Variants in FRMPD4 observed in about 807,000 individuals in gnomAD.
The protein encoded by FRMPD4 is FERM and PDZ domain containing 4, also known as FERM and PDZ domain-containing protein 4.
FRMPD4 carries 22 observed loss-of-function variants against 94.1 expected under a neutral mutation model. The observed-to-expected ratio is 0.23, with a 90% CI of 0.17 to 0.33. FRMPD4 has a LOEUF of 0.33. Ranked by LOEUF, FRMPD4 falls within the 10% of genes least tolerant of loss-of-function variation. The pLI is 1.00. For synonymous variants in FRMPD4, 631 were observed against 548.6 expected, an observed-to-expected ratio of 1.15 and a Z score of -2.10; for missense variants, 1,111 against 1,339.9, an observed-to-expected ratio of 0.83 and a Z score of 2.67.
intron 1 of FRMPD4, among the ~76,000 whole-genome samples, chrX:12,453,144 G>GTGT (rs978773656): frequency 1.2e-4 from 13 of 112,149 alleles, no homozygotes; most frequent in Non-Finnish European, 3.8e-5. Flanking sequence ...CCATTTTAAG[G>GTGT]TGTTGTGTTT....
At chrX:12,598,180 T>C (rs1240907802) in intron 2 of FRMPD4, among the ~76,000 whole-genome samples, 1 of 111,293 alleles carries the variant, frequency 9.0e-6, no homozygotes, top group Non-Finnish European at 1.9e-5. Flanking sequence ...GATTTTTCAC[T>C]GGAAGCCAGG....
At position 12,718,648 on chromosome X, in the gene FRMPD4, C is replaced by G. The variant is rs140304936; in HGVS notation, c.3822C>G (p.Thr1274=). The G allele has an allele frequency of 2.2e-4, 261 of 1,207,307 alleles. 1 individual carries two copies. The African/African-American group carries it at 4.0e-3, about 18-fold the overall frequency. The change falls in exon 16 of 17, where the codon ACC becomes ACG. Residue 1274 remains threonine, a synonymous_variant. Transcript: ENST00000675598. ...CTGGGCTTCCCAACCACGGAGCCAC[C>G]TTTAAGGAACTGCACCCACAGACAG... ...RAPGLPNHGA[T]FKELHPQTEG...
At chrX:12,414,152 A>G (rs1024668372) in intron 1 of FRMPD4, among the ~76,000 whole-genome samples, 2 of 112,587 alleles carry the variant, frequency 1.8e-5, no homozygotes, top group Admixed American at 1.9e-4. Context: ...TTTAATATGC[A>G]TTGCTTCTAC....
chrX:12,020,928 C>A (rs1339520609), intron 3 of FRMPD4, among the ~76,000 whole-genome samples: 1 of 111,589 alleles, frequency 9.0e-6, no homozygotes, highest in African/African-American at 3.3e-5. Flanking sequence ...TTATTTCCCC[C>A]ACAAACATGT....
intron 1 of FRMPD4, among the ~76,000 whole-genome samples, chrX:12,484,901 G>A: frequency 8.9e-6 from 1 of 112,259 alleles, no homozygotes; most frequent in Non-Finnish European, 1.9e-5. Context: ...AATATAAGAT[G>A]CAATTGAAGT....
intron 3 of FRMPD4, among the ~76,000 whole-genome samples, chrX:12,086,951 T>G (rs763258234): frequency 8.1e-5 from 9 of 111,417 alleles, no homozygotes; most frequent in Non-Finnish European, 1.5e-4. Flanking sequence ...GCTGTCAGCT[T>G]GAGCTACTCA....
At chrX:11,967,759 T>G (rs1362613310) in intron 3 of FRMPD4, among the ~76,000 whole-genome samples, 13 of 100,575 alleles carry the variant, frequency 1.3e-4, no homozygotes, top group East Asian at 3.3e-4. Flanking sequence ...TGTGTGTGTT[T>G]TTTTTTTTTT....
At chrX:12,678,575 C>G (rs1363511055) in intron 5 of FRMPD4, among the ~76,000 whole-genome samples, 1 of 112,291 alleles carries the variant, frequency 8.9e-6, no homozygotes, top group Non-Finnish European at 1.9e-5. Context: ...CCTGTAATCC[C>G]AGCACTTTGG....
At position 12,296,342 on chromosome X, in the gene FRMPD4, C is replaced by G. The variant is rs779437976; in HGVS notation, c.41+157330C>G. Among the ~76,000 whole-genome samples the G allele has an allele frequency of 3.6e-5, 4 of 112,066 alleles. No individual in the cohort carries two copies. The East Asian group carries it at 1.1e-3, about 31-fold the overall frequency. On this transcript the variant is annotated intron_variant, in intron 1 of 16. Transcript: ENST00000675598. ...TTAATGCTGAATGCCACAAGAATCA[C>G]AGCCACCAGCAATGTTTCTGTTATT...
At chrX:12,299,205 G>A (rs966008263) in intron 1 of FRMPD4, among the ~76,000 whole-genome samples, 1 of 110,506 alleles carries the variant, frequency 9.0e-6, no homozygotes, top group Non-Finnish European at 1.9e-5. Context: ...GCATCACCTA[G>A]CTTATCTAAG....
intron 2 of FRMPD4, among the ~76,000 whole-genome samples, chrX:12,583,198 T>C (rs2058886635): frequency 8.8e-6 from 1 of 113,231 alleles, no homozygotes; most frequent in Non-Finnish European, 1.9e-5. Context: ...GTTTGCATTC[T>C]GATTACTCAG....
intron 3 of FRMPD4, among the ~76,000 whole-genome samples, chrX:12,076,618 T>A (rs1242786612): frequency 9.0e-6 from 1 of 110,541 alleles, no homozygotes; most frequent in Non-Finnish European, 1.9e-5. Flanking sequence ...AAGTTCTGAT[T>A]TCCCCCTGGT....
intron 3 of FRMPD4, among the ~76,000 whole-genome samples, chrX:11,941,427 C>T (rs73632662): frequency 0.039 from 4,377 of 111,504 alleles, 230 homozygotes; most frequent in African/African-American, 0.14. Context: ...TTGCATTCTC[C>T]ACAGCCCCCA....
At chrX:12,142,921 T>C (rs755423404) in intron 1 of FRMPD4, among the ~76,000 whole-genome samples, 34 of 112,307 alleles carry the variant, frequency 3.0e-4, no homozygotes, top group Non-Finnish European at 5.1e-4. Context: ...TTTCTGCTTA[T>C]GGTCCTTCCA....
chrX:12,159,396 C>T (rs771168538), intron 1 of FRMPD4, among the ~76,000 whole-genome samples: 2 of 111,981 alleles, frequency 1.8e-5, no homozygotes, highest in African/African-American at 3.2e-5. Context: ...GTGACTAGCT[C>T]ATCAGTCTCT....
chrX:12,353,385 A>G (rs1039445926), intron 1 of FRMPD4, among the ~76,000 whole-genome samples: 1 of 111,903 alleles, frequency 8.9e-6, no homozygotes, highest in Non-Finnish European at 1.9e-5. Flanking sequence ...TTGGCAATCC[A>G]TTATTACCCA....
intron 3 of FRMPD4, among the ~76,000 whole-genome samples, chrX:11,913,852 T>C (rs1170247477): frequency 1.8e-5 from 2 of 111,972 alleles, no homozygotes; most frequent in African/African-American, 3.2e-5. Flanking sequence ...GTGAAGATAA[T>C]TGAGTGAGCG....
At chrX:12,432,956 C>CA (rs2148110149) in intron 1 of FRMPD4, among the ~76,000 whole-genome samples, 1 of 112,209 alleles carries the variant, frequency 8.9e-6, no homozygotes, top group East Asian at 2.8e-4. Context: ...CTATGGAATG[C>CA]AAAAAGTAGC....
intron 1 of FRMPD4, among the ~76,000 whole-genome samples, chrX:11,843,737 T>C (rs183581159): frequency 1.8e-5 from 2 of 109,869 alleles, no homozygotes; most frequent in East Asian, 5.8e-4. Context: ...TTTTATTTTT[T>C]TGTGGGTCTT....
Sources: gnomAD v4.1 joint callset for allele counts (sites outside exome capture counted in the v4.1 genomes callset) on GRCh38, gnomAD v4.1.1 for gene constraint, MANE v1.5 for transcripts, NCBI Gene and HGNC (gene_info 2026-07-23, HGNC 2026-07-21) for gene names.